OR51B5: variants seen among roughly 807,000 people sequenced by gnomAD.
OR51B5 encodes the protein olfactory receptor family 51 subfamily B member 5, also known as olfactory receptor 51B5.
For synonymous variants in OR51B5, 186 were observed against 144.8 expected (o/e 1.28, Z -2.04); for missense variants, 456 against 374.6 (o/e 1.22, Z -1.79).
intron 1 of OR51B5, among the ~76,000 whole-genome samples, chr11:5,415,297 G>C (rs533008684): frequency 0.014 from 2,053 of 150,754 alleles, 39 homozygotes; most frequent in African/African-American, 0.047. Context: ...GAAATTTATA[G>C]CACTAAATGC....
intron 1 of OR51B5, among the ~76,000 whole-genome samples, chr11:5,445,740 C>T (rs1850750646): frequency 6.6e-6 from 1 of 150,734 alleles, no homozygotes; most frequent in Admixed American, 6.7e-5. Flanking sequence ...CAGTATATGT[C>T]TGAAAGAAAT....
intron 1 of OR51B5, among the ~76,000 whole-genome samples, chr11:5,363,396 A>T (rs1159277396): frequency 1.4e-5 from 2 of 146,456 alleles, no homozygotes; most frequent in African/African-American, 5.1e-5. Context: ...TGAGTACATG[A>T]TCCTAATCAC....
chr11:5,410,935 T>C (rs1268542889), intron 1 of OR51B5, among the ~76,000 whole-genome samples: 2 of 73,862 alleles, frequency 2.7e-5, no homozygotes, highest in African/African-American at 7.0e-5. Context: ...AATGCATTCA[T>C]GGATTTAGCT....
At chr11:5,361,340 A>G (rs1442951115) in intron 1 of OR51B5, among the ~76,000 whole-genome samples, 2 of 152,128 alleles carry the variant, frequency 1.3e-5, no homozygotes, top group African/African-American at 2.4e-5. Context: ...AGAAGGAGGG[A>G]GGAGAGAGGA....
chr11:5,352,589 G>A (rs1018240354), intron 1 of OR51B5: 10 of 611,020 alleles, frequency 1.6e-5, no homozygotes, highest in African/African-American at 1.1e-4. Context: ...CAATCCCTCT[G>A]CTACTTAGAA....
chr11:5,440,942 A>G, intron 1 of OR51B5: 2 of 1,613,964 alleles, frequency 1.2e-6, no homozygotes, highest in Non-Finnish European at 8.5e-7. Flanking sequence ...GGATGTCTCC[A>G]CATGCTACTT....
chr11:5,376,027 C>A (rs1247045783), intron 1 of OR51B5, among the ~76,000 whole-genome samples: 2 of 152,102 alleles, frequency 1.3e-5, no homozygotes, highest in East Asian at 1.9e-4. Context: ...CAGCACCACA[C>A]AACACCTATT....
intron 1 of OR51B5, among the ~76,000 whole-genome samples, chr11:5,465,905 C>T (rs1425193339): frequency 6.6e-6 from 1 of 151,400 alleles, no homozygotes; most frequent in Non-Finnish European, 1.5e-5. Context: ...TGGGCAAGGA[C>T]TTCATGTCCA....
intron 1 of OR51B5, among the ~76,000 whole-genome samples, chr11:5,481,890 CG>C (rs1300325712): frequency 1.4e-5 from 2 of 139,736 alleles, no homozygotes; most frequent in East Asian, 4.3e-4. Flanking sequence ...TCCATGCTCA[CG>C]GGTAGGAAGA....
At chr11:5,380,351 G>A (rs937628248) in intron 1 of OR51B5, among the ~76,000 whole-genome samples, 2 of 152,188 alleles carry the variant, frequency 1.3e-5, no homozygotes, top group Non-Finnish European at 2.9e-5. Context: ...GACCAGTCCA[G>A]AAGACCCTTT....
chr11:5,483,701 A>G (rs540304151), intron 1 of OR51B5, among the ~76,000 whole-genome samples: 1 of 152,130 alleles, frequency 6.6e-6, no homozygotes, highest in South Asian at 2.1e-4. Context: ...TCAATTATCA[A>G]CTGCTTCTTA....
chr11:5,404,660 C>G (rs1850033353), intron 1 of OR51B5, among the ~76,000 whole-genome samples: 3 of 152,216 alleles, frequency 2.0e-5, no homozygotes, highest in African/African-American at 4.8e-5. Flanking sequence ...AAGCTTTGTT[C>G]TTTTGCTCTT....
At chr11:5,412,048 C>T (rs946904135) in intron 1 of OR51B5, among the ~76,000 whole-genome samples, 1 of 152,156 alleles carries the variant, frequency 6.6e-6, no homozygotes, top group Non-Finnish European at 1.5e-5. Flanking sequence ...TAAGCTATCA[C>T]TTTTGAGGTA....
chr11:5,494,896 C>G (rs118118912), intron 1 of OR51B5, among the ~76,000 whole-genome samples: 64 of 152,266 alleles, frequency 4.2e-4, no homozygotes, highest in Middle Eastern at 6.8e-3. Context: ...ATAGGTCTGT[C>G]AGGGCTGACC....
intron 1 of OR51B5, among the ~76,000 whole-genome samples, chr11:5,498,756 G>A (rs553094584): frequency 1.3e-5 from 2 of 152,246 alleles, no homozygotes; most frequent in South Asian, 2.1e-4. Context: ...TAGAACTTTC[G>A]TGTTCCTGAC....
intron 1 of OR51B5, among the ~76,000 whole-genome samples, chr11:5,377,030 T>C (rs1462262348): frequency 1.3e-5 from 2 of 152,216 alleles, no homozygotes; most frequent in Admixed American, 6.5e-5. Flanking sequence ...TAGATGAATA[T>C]CCCTGATGAA....
intron 1 of OR51B5, among the ~76,000 whole-genome samples, chr11:5,394,053 A>C (rs1184213600): frequency 6.6e-6 from 1 of 152,164 alleles, no homozygotes; most frequent in Non-Finnish European, 1.5e-5. Context: ...CAGTAACATA[A>C]AATTATTGTA....
intron 1 of OR51B5, chr11:5,385,231 G>A (rs372518831): frequency 9.2e-5 from 14 of 152,114 alleles, no homozygotes; most frequent in African/African-American, 3.4e-4. Flanking sequence ...AAAAATGACT[G>A]TTGCTCTCCT....
In OR51B5 at chr11:5,351,718, G is replaced by A. The variant is rs1254066501; in HGVS notation, n.85-4808C>T. 3.7e-6 allele frequency: 6 copies of A among 1,613,998 alleles called. No homozygotes were observed. The Admixed American group carries it at 6.7e-5, about 18-fold the overall frequency. On this transcript the variant is annotated intron_variant and non_coding_transcript_variant, in intron 1 of 4. Transcript: ENST00000415970. ...TATGTTGGCAGCTACAGACCTCGGA[G>A]TGACATTGACCACAATGCCCACAGT... is the stretch of plus-strand genomic sequence containing the variant.
Sources: gnomAD v4.1 joint callset for allele counts (sites outside exome capture counted in the v4.1 genomes callset) on GRCh38, gnomAD v4.1.1 for gene constraint, MANE v1.5 for transcripts, NCBI Gene and HGNC (gene_info 2026-07-23, HGNC 2026-07-21) for gene names.